Variants in ATP9A observed in about 807,000 individuals in gnomAD.
The protein encoded by ATP9A is ATPase phospholipid transporting 9A.
Under a neutral mutation model 144.1 loss-of-function variants are expected in ATP9A, and 52 were observed. The observed-to-expected ratio is 0.36, with a 90% CI of 0.29 to 0.45. The LOEUF (loss-of-function observed/expected upper bound fraction) is 0.45. Ranked by LOEUF, ATP9A falls within the 20% of genes least tolerant of loss-of-function variation. The pLI is 1.00. For missense variants in ATP9A, 947 were observed against 1,392.7 expected, an observed-to-expected ratio of 0.68 and a Z score of 5.09; for synonymous variants, 582 against 557.4, an observed-to-expected ratio of 1.04 and a Z score of -0.62.
intron 3 of ATP9A, among the ~76,000 whole-genome samples, chr20:51,721,321 A>T (rs2077687997): frequency 6.6e-6 from 1 of 152,182 alleles, no homozygotes; most frequent in Non-Finnish European, 1.5e-5. Context: ...ACTTTCTCTT[A>T]GTCAAAAAAA....
intron 9 of ATP9A, among the ~76,000 whole-genome samples, chr20:51,682,074 T>C (rs1485964285): frequency 6.6e-6 from 1 of 151,954 alleles, no homozygotes; most frequent in Admixed American, 6.6e-5. Flanking sequence ...ATGTGTTACC[T>C]GTGTTAAAAT....
At chr20:51,728,137 AC>A (rs2077723799) in intron 2 of ATP9A, among the ~76,000 whole-genome samples, 1 of 151,952 alleles carries the variant, frequency 6.6e-6, no homozygotes, top group African/African-American at 2.4e-5. Flanking sequence ...GCAGCTAAGA[AC>A]CATTGGTGCC....
At chr20:51,733,742 C>G (rs1354080075) in intron 1 of ATP9A, among the ~76,000 whole-genome samples, 1 of 151,470 alleles carries the variant, frequency 6.6e-6, no homozygotes. Context: ...GGTACAATCA[C>G]AGCTCACTGC....
At chr20:51,658,888 C>A (rs1266542830) in intron 13 of ATP9A, among the ~76,000 whole-genome samples, 2 of 54,852 alleles carry the variant, frequency 3.6e-5, no homozygotes, top group Non-Finnish European at 6.7e-5. Flanking sequence ...AGACCACTGG[C>A]GGGGGGGGGG....
At chr20:51,767,544 G>A (rs890620508) in intron 1 of ATP9A, among the ~76,000 whole-genome samples, 2 of 152,166 alleles carry the variant, frequency 1.3e-5, no homozygotes, top group Admixed American at 1.3e-4. Flanking sequence ...CTTCCCAAAT[G>A]CAGAAAAACC....
chr20:51,705,581 T>C (rs2077611374), intron 4 of ATP9A, among the ~76,000 whole-genome samples: 1 of 152,192 alleles, frequency 6.6e-6, no homozygotes, highest in Non-Finnish European at 1.5e-5. Flanking sequence ...ATGCCTCTGT[T>C]TGCACTTCTT....
At position 51,606,391 on chromosome 20, in the gene ATP9A, GGAAATAC is replaced by G. The variant is rs572279779; in HGVS notation, c.2803+1129_2803+1135del. 3.6e-4 allele frequency among the ~76,000 whole-genome samples: 55 copies of G among 152,030 alleles called. 2 individuals carry two copies. In the South Asian group the frequency reaches 0.011, roughly 29 times the overall value. On this transcript the variant is annotated intron_variant, in intron 26 of 27. Coordinates refer to ENST00000338821, the MANE Select transcript of ATP9A (RefSeq NM_006045.3). ...TGTACTACAAAACATACATAAAAAT[GGAAATAC>G]TAAAAAAGAGTGAGGATTCCGGGCA...
chr20:51,743,921 C>A (rs930942132), intron 1 of ATP9A, among the ~76,000 whole-genome samples: 1 of 150,848 alleles, frequency 6.6e-6, no homozygotes, highest in Non-Finnish European at 1.5e-5. Flanking sequence ...ACAGGAGAAT[C>A]GCTTGAACCC....
At chr20:51,633,922 G>A (rs1241222483) in intron 15 of ATP9A, among the ~76,000 whole-genome samples, 1 of 151,582 alleles carries the variant, frequency 6.6e-6, no homozygotes, top group Non-Finnish European at 1.5e-5. Flanking sequence ...AAGGGAGGGA[G>A]GGAGAGAGAG....
chr20:51,718,814 C>CAAAAAAAAAAAAAAAA (rs71192550), intron 3 of ATP9A, among the ~76,000 whole-genome samples: 19 of 57,692 alleles, frequency 3.3e-4, no homozygotes, highest in Non-Finnish European at 4.3e-4. Context: ...GACTCCATCT[C>CAAAAAAAAAAAAAAAA]AAAAAAAAAA....
intron 1 of ATP9A, among the ~76,000 whole-genome samples, chr20:51,736,141 G>T (rs1412611): frequency 0.01 from 1,580 of 152,350 alleles, 33 homozygotes; most frequent in African/African-American, 0.036. Flanking sequence ...AACTGCACAG[G>T]CAAAGATCCG....
intron 19 of ATP9A, among the ~76,000 whole-genome samples, chr20:51,621,823 C>G (rs994650126): frequency 3.9e-5 from 6 of 152,098 alleles, no homozygotes; most frequent in Non-Finnish European, 4.4e-5. Flanking sequence ...GGACCACGAC[C>G]CCCAAAAGGT....
intron 14 of ATP9A, among the ~76,000 whole-genome samples, chr20:51,642,952 G>A (rs915478485): frequency 1.3e-5 from 2 of 151,790 alleles, no homozygotes; most frequent in South Asian, 2.1e-4. Context: ...TCCAGTCCCC[G>A]CTCTGTCCCC....
At chr20:51,650,014 C>T (rs192419020) in intron 14 of ATP9A, among the ~76,000 whole-genome samples, 1 of 152,060 alleles carries the variant, frequency 6.6e-6, no homozygotes, top group Non-Finnish European at 1.5e-5. Flanking sequence ...AATGTGATGC[C>T]CTCACCTTCC....
chr20:51,758,384 G>C (rs772809539), intron 1 of ATP9A, among the ~76,000 whole-genome samples: 1 of 152,094 alleles, frequency 6.6e-6, no homozygotes. Context: ...CCCCTTCAAA[G>C]GCAGTCATAA....
chr20:51,693,065 G>A (rs548718976), intron 7 of ATP9A, among the ~76,000 whole-genome samples: 1 of 152,256 alleles, frequency 6.6e-6, no homozygotes, highest in Admixed American at 6.5e-5. Context: ...CACTCACCAG[G>A]CACTTAAGTT....
chr20:51,633,694 C>G (rs2077278905), intron 15 of ATP9A, among the ~76,000 whole-genome samples: 1 of 151,434 alleles, frequency 6.6e-6, no homozygotes, highest in Admixed American at 6.6e-5. Context: ...TGCAATGAGC[C>G]ATGTTCATAC....
chr20:51,750,260 G>C (rs113521161), intron 1 of ATP9A, among the ~76,000 whole-genome samples: 1 of 152,296 alleles, frequency 6.6e-6, no homozygotes, highest in South Asian at 2.1e-4. Context: ...TTGTAGGTCA[G>C]AGAGCAGACA....
At chr20:51,711,793 G>GC (rs2077639760) in intron 4 of ATP9A, among the ~76,000 whole-genome samples, 1 of 151,582 alleles carries the variant, frequency 6.6e-6, no homozygotes, top group African/African-American at 2.4e-5. Context: ...TGCAAGTGGG[G>GC]GGTCAGTGAT....
Sources: allele counts gnomAD v4.1 joint callset (sites outside exome capture counted in the v4.1 genomes callset), GRCh38; gene constraint gnomAD v4.1.1; transcripts MANE v1.5; gene names NCBI Gene and HGNC (gene_info 2026-07-23, HGNC 2026-07-21).